Variants in RAB11B observed in about 807,000 individuals in gnomAD.
RAB11B encodes ras-related protein Rab-11B.
A neutral mutation model predicts 23.7 loss-of-function variants in RAB11B; 7 were observed. That is an observed-to-expected ratio of 0.29 (90% CI 0.17 to 0.55). The LOEUF (loss-of-function observed/expected upper bound fraction) is 0.55, where lower values mean the gene tolerates loss of function less well. RAB11B is among the 20% of genes least tolerant of loss of function. RAB11B has a pLI of 0.93. For missense variants in RAB11B, 189 were observed against 320.0 expected, an observed-to-expected ratio of 0.59 and a Z score of 3.12; for synonymous variants, 138 against 132.0, an observed-to-expected ratio of 1.05 and a Z score of -0.31.
chr19:8,400,814 G>A (rs145467666), intron 2 of RAB11B, among the ~76,000 whole-genome samples: 7 of 152,128 alleles, frequency 4.6e-5, no homozygotes, highest in South Asian at 2.1e-4. Context: ...TCAAACTCCC[G>A]CCCTCAGGTG....
At chr19:8,399,726 TG>T in intron 1 of RAB11B, 136 bp from the exon 2 acceptor site, 3 of 955,532 alleles carry the variant, frequency 3.1e-6, no homozygotes, top group Non-Finnish European at 3.2e-6. Context: ...CTGCAGGCCC[TG>T]GGCTCCAGGC....
chr19:8,391,720 G>A (rs975976689), intron 1 of RAB11B, among the ~76,000 whole-genome samples: 1 of 152,052 alleles, frequency 6.6e-6, no homozygotes, highest in Non-Finnish European at 1.5e-5. Context: ...TCGCTGAGCC[G>A]TTCCTCCGAG....
chr19:8,402,573 G>A lies in RAB11B; in HGVS notation c.511+8G>A. On this transcript the variant is annotated splice_region_variant and intron_variant, in intron 4 of 4. Transcript: ENST00000328024. ...TCAAGAACATCCTCACAGGTGGCCG[G>A]GGACCAGATGGGTGTGGGTAGGGCA... 1 of 1,603,988 alleles carries A rather than the reference G, an allele frequency of 6.2e-7. No homozygotes were observed. Among genetic ancestry groups the A allele is most frequent in the Non-Finnish European group, 8.5e-7 (1 of 1,170,898 alleles).
At position 8,396,890 on chromosome 19, in the gene RAB11B, T is replaced by C. The variant is rs1599686158; in HGVS notation, c.41-2973T>C. Among the ~76,000 whole-genome samples, 1 of 151,914 alleles carries C rather than the reference T, an allele frequency of 6.6e-6. No individual in the cohort carries two copies. Among genetic ancestry groups the C allele is most frequent in the African/African-American group, 2.4e-5 (1 of 41,348 alleles). ...TGCAGGAGGACAGCGTTTTGGTTGG[T>C]GATGAGCGTGAACACAGGGACCGCA... On this transcript the variant is annotated intron_variant, in intron 1 of 4. Transcript: ENST00000328024. This position sits in a 1 kb window ranked among gnomAD's most constrained non-coding sequence, Gnocchi z 5.0.
intron 1 of RAB11B, chr19:8,390,668 G>T: frequency 2.2e-6 from 1 of 463,856 alleles, no homozygotes; most frequent in Non-Finnish European, 3.5e-6. Flanking sequence ...GGAGAGACCT[G>T]GGGGACCTAG....
chr19:8,391,211 T>A (rs1349754756), intron 1 of RAB11B, among the ~76,000 whole-genome samples: 1 of 152,226 alleles, frequency 6.6e-6, no homozygotes, highest in African/African-American at 2.4e-5. Flanking sequence ...GCCTCTCTTT[T>A]TACACGTTGG....
At chr19:8,399,565 T>C (rs1334052541) in intron 1 of RAB11B, among the ~76,000 whole-genome samples, 1 of 152,210 alleles carries the variant, frequency 6.6e-6, no homozygotes, top group Non-Finnish European at 1.5e-5. Flanking sequence ...GATCTCAAGC[T>C]GCTCTGCCTG....
At chr19:8,390,573 C>T (rs1366843890) in intron 1 of RAB11B, 117 bp downstream of exon 1, 14 of 1,149,148 alleles carry the variant, frequency 1.2e-5, no homozygotes, top group Non-Finnish European at 1.5e-5. Context: ...TGGGGCCCGG[C>T]GGGTCAGGCA....
In RAB11B at chr19:8,403,605, C is replaced by G; in HGVS notation, c.*47C>G. Reference sequence around the variant, plus strand: ...TGCGTGCACGTCCTCCGCCCGCCCCCGCCACGGTATCCTCTGGCCCCTCCC... The same window carrying G: ...TGCGTGCACGTCCTCCGCCCGCCCCGGCCACGGTATCCTCTGGCCCCTCCC... On this transcript the variant is annotated 3_prime_UTR_variant, in exon 5 of 5. Transcript: ENST00000328024. The G allele has an allele frequency of 1.3e-6, 2 of 1,573,544 alleles. No individual in the cohort carries two copies. The highest frequency in any genetic ancestry group is 1.7e-6 in the Non-Finnish European group (2 of 1,155,888).
Position 8,403,718 on chromosome 19 carries a change from C to A in RAB11B, c.*160C>A. 9.8e-7 allele frequency: 1 copy of A among 1,016,790 alleles called. No homozygotes were observed. Among genetic ancestry groups the A allele is most frequent in the African/African-American group, 1.6e-5 (1 of 61,154 alleles). 63.0% of individuals were successfully genotyped at this position (1,016,790 alleles called of 1,614,324 possible). On this transcript the variant is annotated 3_prime_UTR_variant, in exon 5 of 5. Transcript: ENST00000328024. ...GGCCCAGGAAGGACAGGAGCCAGTG[C>A]TACCCCGTCCTGCCCGGGGAAAAGC...
chr19:8,397,559 T>C (rs1971406430), intron 1 of RAB11B, among the ~76,000 whole-genome samples: 1 of 152,026 alleles, frequency 6.6e-6, no homozygotes, highest in African/African-American at 2.4e-5. Context: ...GTTTGAGTTC[T>C]AGGACTGGGG....
intron 1 of RAB11B, chr19:8,390,705 A>C (rs1033081824): frequency 2.7e-6 from 1 of 368,076 alleles, no homozygotes; most frequent in African/African-American, 2.1e-5. Context: ...GCCAGAGCCT[A>C]GAGGGGGTGG....
intron 1 of RAB11B, among the ~76,000 whole-genome samples, chr19:8,393,754 G>A (rs996895208): frequency 9.2e-5 from 14 of 152,102 alleles, no homozygotes; most frequent in African/African-American, 2.9e-4. Flanking sequence ...GCTTGGCTCC[G>A]CCAGGCTCTG....
chr19:8,394,055 C>A (rs1033421116), intron 1 of RAB11B, among the ~76,000 whole-genome samples: 4 of 152,212 alleles, frequency 2.6e-5, no homozygotes, highest in Non-Finnish European at 5.9e-5. Flanking sequence ...TTGCTTGTGT[C>A]CTAGACAATG....
At chr19:8,402,025 G>GT in intron 2 of RAB11B, 61 bp from the exon 3 acceptor site, 1 of 1,483,974 alleles carries the variant, frequency 6.7e-7, no homozygotes, top group East Asian at 2.5e-5. Flanking sequence ...CTGTTATCCC[G>GT]TGAGGCTGCC....
intron 1 of RAB11B, among the ~76,000 whole-genome samples, chr19:8,397,690 G>A (rs1172632664): frequency 2.6e-5 from 4 of 152,148 alleles, no homozygotes; most frequent in African/African-American, 2.4e-5. Flanking sequence ...GCCCCACAGT[G>A]TGGCCAGGGG....
intron 1 of RAB11B, among the ~76,000 whole-genome samples, chr19:8,398,464 G>A (rs766402636): frequency 1.3e-5 from 2 of 152,226 alleles, no homozygotes; most frequent in Non-Finnish European, 2.9e-5. Context: ...CACACGGACT[G>A]CCCCTTGAAT....
At chr19:8,398,952 T>G (rs1484404003) in intron 1 of RAB11B, among the ~76,000 whole-genome samples, 3 of 125,028 alleles carry the variant, frequency 2.4e-5, no homozygotes, top group African/African-American at 8.8e-5. Flanking sequence ...TAATTATTAT[T>G]ATTATTATTT....
chr19:8,403,287 C>G, intron 4 of RAB11B, 126 bp from the exon 5 acceptor site: 1 of 1,251,734 alleles, frequency 8.0e-7, no homozygotes, highest in Non-Finnish European at 1.1e-6. Flanking sequence ...GTCCTTGTTA[C>G]CCCTGATGTG....
Sources: gnomAD v4.1 joint callset for allele counts (sites outside exome capture counted in the v4.1 genomes callset) on GRCh38, gnomAD v4.1.1 for gene constraint, Gnocchi (gnomAD v3.1) non-coding constraint, MANE v1.5 for transcripts, NCBI Gene and HGNC (gene_info 2026-07-23, HGNC 2026-07-21) for gene names.